Variants in KAZN observed in about 807,000 individuals in gnomAD.
The protein encoded by KAZN is kazrin, periplakin interacting protein.
In KAZN, 40 loss-of-function variants were observed where a neutral mutation model predicts 87.4. The observed-to-expected ratio is 0.46, with a 90% CI of 0.36 to 0.60. KAZN has a LOEUF of 0.60. Among genes scored for constraint, KAZN ranks in the 20% least tolerant of loss-of-function variants. KAZN has a pLI of 0.00. For missense variants in KAZN, 898 were observed against 1,073.9 expected (o/e 0.84, Z 2.29); for synonymous variants, 466 against 458.3 (o/e 1.02, Z -0.22).
intron 2 of KAZN, among the ~76,000 whole-genome samples, chr1:14,260,762 G>A (rs1021288365): frequency 1.1e-4 from 16 of 152,216 alleles, no homozygotes; most frequent in Middle Eastern, 3.4e-3. Flanking sequence ...GTATATAGTC[G>A]CTAATTTAAC....
chr1:14,931,166 A>G (rs12567964), intron 1 of KAZN, among the ~76,000 whole-genome samples: 14,742 of 151,964 alleles, frequency 0.097, 928 homozygotes, highest in East Asian at 0.27. Flanking sequence ...GCTGGGCTCG[A>G]TGGCTCACAC....
intron 2 of KAZN, among the ~76,000 whole-genome samples, chr1:14,297,273 A>G (rs1420135803): frequency 2.0e-5 from 3 of 152,158 alleles, no homozygotes; most frequent in African/African-American, 7.2e-5. Context: ...CCGTGTTTTT[A>G]TGCCATATAC....
intron 2 of KAZN, among the ~76,000 whole-genome samples, chr1:14,451,777 G>A (rs990969818): frequency 6.6e-6 from 1 of 152,124 alleles, no homozygotes; most frequent in African/African-American, 2.4e-5. Context: ...AGCTGATGAT[G>A]GTGTAAGTTC....
intron 1 of KAZN, among the ~76,000 whole-genome samples, chr1:13,928,671 G>T (rs1345572467): frequency 6.6e-6 from 1 of 152,136 alleles, no homozygotes; most frequent in East Asian, 1.9e-4. Flanking sequence ...ATCCAGCAAG[G>T]CTCTGCATGG....
chr1:14,384,588 C>T (rs1661693641), intron 2 of KAZN, among the ~76,000 whole-genome samples: 1 of 152,072 alleles, frequency 6.6e-6, no homozygotes, highest in African/African-American at 2.4e-5. Context: ...TGGTTTTTGT[C>T]TTTGGTTCTG....
At chr1:14,167,310 G>A (rs1003971739) in intron 1 of KAZN, among the ~76,000 whole-genome samples, 35 of 152,224 alleles carry the variant, frequency 2.3e-4, no homozygotes, top group Non-Finnish European at 3.8e-4. Context: ...AGAGAGAATC[G>A]CCTCCCCTCA....
At chr1:14,882,262 T>G (rs1653418647) in intron 1 of KAZN, among the ~76,000 whole-genome samples, 1 of 152,224 alleles carries the variant, frequency 6.6e-6, no homozygotes, top group African/African-American at 2.4e-5. Flanking sequence ...CTTCAGAGAT[T>G]CCAAACAAAC....
chr1:14,350,773 C>G (rs559454238), intron 2 of KAZN: 1 of 152,548 alleles, frequency 6.6e-6, no homozygotes, highest in South Asian at 2.1e-4. Flanking sequence ...AGCCCGGCAC[C>G]TAAAGATCAG....
At chr1:14,152,004 C>T (rs1645485498) in intron 1 of KAZN, among the ~76,000 whole-genome samples, 1 of 152,012 alleles carries the variant, frequency 6.6e-6, no homozygotes, top group Non-Finnish European at 1.5e-5. Flanking sequence ...AAAGTTTTTG[C>T]CTTGCAGTAC....
chr1:14,289,705 G>A (rs552324789), intron 2 of KAZN, among the ~76,000 whole-genome samples: 2 of 152,248 alleles, frequency 1.3e-5, no homozygotes, highest in African/African-American at 2.4e-5. Context: ...TGTTATGTGT[G>A]AGTTTGATCC....
chr1:14,483,236 TAAG>T (rs944713647), intron 2 of KAZN, among the ~76,000 whole-genome samples: 3 of 152,042 alleles, frequency 2.0e-5, no homozygotes, highest in African/African-American at 7.3e-5. Context: ...CACATCAAAA[TAAG>T]AACGCTAAAG....
At chr1:14,226,979 A>G (rs1199188956) in intron 2 of KAZN, among the ~76,000 whole-genome samples, 1 of 152,186 alleles carries the variant, frequency 6.6e-6, no homozygotes, top group Non-Finnish European at 1.5e-5. Flanking sequence ...AAAATTATCT[A>G]TAAACCAAAC....
chr1:15,047,709 T>C (rs1296270175), intron 4 of KAZN, among the ~76,000 whole-genome samples: 1 of 151,964 alleles, frequency 6.6e-6, no homozygotes, highest in Non-Finnish European at 1.5e-5. Context: ...AGGCAGAGGT[T>C]GCACTGAGCC....
At chr1:14,753,718 G>C (rs910270855) in intron 1 of KAZN, among the ~76,000 whole-genome samples, 2 of 152,204 alleles carry the variant, frequency 1.3e-5, no homozygotes, top group African/African-American at 4.8e-5. Context: ...AAGGACTGCA[G>C]GCCCCTAGCC....
At position 14,286,073 on chromosome 1, in the gene KAZN, G is replaced by T. The variant is rs537432487; in HGVS notation, c.249+105481G>T. Among the ~76,000 whole-genome samples the T allele has an allele frequency of 2.0e-5, 3 of 152,334 alleles. No homozygotes were observed. In the East Asian group the frequency reaches 5.8e-4, roughly 29 times the overall value. On this transcript the variant is annotated intron_variant, in intron 2 of 16. Transcript: ENST00000636203. ...AAGTACAAGGACCATGTCTGTATTA[G>T]TTTGCTGGAATTGCCATTAAAAGTA...
chr1:15,043,194 G>A (rs190589111), intron 3 of KAZN, among the ~76,000 whole-genome samples: 68 of 152,328 alleles, frequency 4.5e-4, no homozygotes, highest in African/African-American at 6.7e-4. Flanking sequence ...AGTGGTGGCC[G>A]GACCTTGTGG....
chr1:13,999,585 A>T (rs1356377049), intron 1 of KAZN, among the ~76,000 whole-genome samples: 1 of 152,226 alleles, frequency 6.6e-6, no homozygotes, highest in East Asian at 1.9e-4. Context: ...ATAGCACTAT[A>T]TGCCCACATC....
chr1:14,915,914 T>C (rs1657765720), intron 1 of KAZN, among the ~76,000 whole-genome samples: 2 of 152,202 alleles, frequency 1.3e-5, no homozygotes. Flanking sequence ...AGTATGGACC[T>C]TGCAGCCAGA....
intron 2 of KAZN, among the ~76,000 whole-genome samples, chr1:14,212,413 AAAAG>A (rs1452274966): frequency 2.0e-5 from 3 of 152,190 alleles, no homozygotes; most frequent in African/African-American, 7.2e-5. Context: ...AAAGGAAAAC[AAAAG>A]AAAGCCTTTC....
Sources: allele counts gnomAD v4.1 joint callset (sites outside exome capture counted in the v4.1 genomes callset), GRCh38; gene constraint gnomAD v4.1.1; transcripts MANE v1.5; gene names NCBI Gene and HGNC (gene_info 2026-07-23, HGNC 2026-07-21).